Variants in C12orf54 observed in about 807,000 individuals in gnomAD.
The protein encoded by C12orf54 is chromosome 12 open reading frame 54.
A neutral mutation model predicts 26.4 loss-of-function variants in C12orf54; 24 were observed. The observed-to-expected ratio is 0.91, with a 90% confidence interval of 0.66 to 1.28. The LOEUF is 1.28. Ranked by LOEUF, C12orf54 falls within the 50% of genes most tolerant of loss-of-function variation. The pLI is 0.00. For missense variants in C12orf54, 154 were observed against 150.9 expected (o/e 1.02, Z -0.11); for synonymous variants, 54 against 47.0 (o/e 1.15, Z -0.61).
the C12orf54 span, among the ~76,000 whole-genome samples, chr12:48,474,292 T>C: frequency 6.6e-6 from 1 of 152,214 alleles, no homozygotes; most frequent in African/African-American, 2.4e-5. Flanking sequence ...GGAACAGCTC[T>C]GGTCTACAGC....
chr12:48,428,575 T>C, the C12orf54 span, among the ~76,000 whole-genome samples: 2 of 152,124 alleles, frequency 1.3e-5, no homozygotes, highest in Non-Finnish European at 2.9e-5. Context: ...CTAGAAGAGA[T>C]GGATAAATTC....
At chr12:48,491,451 G>A (rs1008450069) in intron 6 of C12orf54, among the ~76,000 whole-genome samples, 1 of 152,170 alleles carries the variant, frequency 6.6e-6, no homozygotes, top group Admixed American at 6.5e-5. Flanking sequence ...CAATTTGGAG[G>A]TGACATAGGC....
chr12:48,416,856 C>T, the C12orf54 span, among the ~76,000 whole-genome samples: 1 of 147,002 alleles, frequency 6.8e-6, no homozygotes, highest in African/African-American at 2.4e-5. Context: ...AGGGAGACTC[C>T]ATCTCCAAAA....
At chr12:48,488,888 CA>C in intron 4 of C12orf54, 35 bp from the exon 5 acceptor site, 2 of 1,531,350 alleles carry the variant, frequency 1.3e-6, no homozygotes, top group Non-Finnish European at 1.8e-6. Flanking sequence ...TGATCATCTA[CA>C]ATATTATTTT....
the C12orf54 span, among the ~76,000 whole-genome samples, chr12:48,428,256 C>T: frequency 6.6e-6 from 1 of 151,346 alleles, no homozygotes; most frequent in Non-Finnish European, 1.5e-5. Context: ...GGTCACACCT[C>T]AAGGAACTAG....
At chr12:48,460,621 G>A in the C12orf54 span, among the ~76,000 whole-genome samples, 1 of 151,884 alleles carries the variant, frequency 6.6e-6, no homozygotes, top group Admixed American at 6.6e-5. Context: ...TATATTTTGG[G>A]GTTTATGCCA....
At chr12:48,414,216 A>G in the C12orf54 span, among the ~76,000 whole-genome samples, 1 of 152,222 alleles carries the variant, frequency 6.6e-6, no homozygotes, top group Non-Finnish European at 1.5e-5. Flanking sequence ...AGTCTGGAAC[A>G]GTTGCTTATT....
the C12orf54 span, among the ~76,000 whole-genome samples, chr12:48,440,079 G>A: frequency 1.3e-4 from 20 of 151,836 alleles, no homozygotes; most frequent in African/African-American, 3.1e-4. Context: ...ACAAAAATTC[G>A]CCAACTATGG....
chr12:48,438,958 G>A, the C12orf54 span, among the ~76,000 whole-genome samples: 1 of 152,118 alleles, frequency 6.6e-6, no homozygotes, highest in Non-Finnish European at 1.5e-5. Flanking sequence ...TACCATCAGA[G>A]TGAACAGGCA....
the C12orf54 span, among the ~76,000 whole-genome samples, chr12:48,472,186 T>G: frequency 1.1e-3 from 161 of 152,368 alleles, no homozygotes; most frequent in African/African-American, 3.8e-3. Context: ...TTTTGTATAT[T>G]GATTTTGTAT....
chr12:48,494,410 A>C (rs1275806319), intron 7 of C12orf54, among the ~76,000 whole-genome samples: 1 of 152,306 alleles, frequency 6.6e-6, no homozygotes, highest in Non-Finnish European at 1.5e-5. Flanking sequence ...CCATGGAAGG[A>C]ATAAATGAAA....
At chr12:48,486,652 G>A in intron 3 of C12orf54, 36 bp from the exon 4 acceptor site, 1 of 1,589,044 alleles carries the variant, frequency 6.3e-7, no homozygotes, top group Non-Finnish European at 8.6e-7. Context: ...GGAGAGTTGG[G>A]ATATTGTTTC....
the C12orf54 span, among the ~76,000 whole-genome samples, chr12:48,446,619 G>A: frequency 3.4e-4 from 51 of 152,188 alleles, no homozygotes; most frequent in East Asian, 8.3e-3. Context: ...AGCTAAAAAT[G>A]GTTACTAGCT....
chr12:48,476,265 C>T, the C12orf54 span, among the ~76,000 whole-genome samples: 1 of 152,198 alleles, frequency 6.6e-6, no homozygotes, highest in African/African-American at 2.4e-5. Context: ...TAGAAAGGAA[C>T]AACCAGTACC....
chr12:48,458,822 G>A, the C12orf54 span, among the ~76,000 whole-genome samples: 1 of 151,702 alleles, frequency 6.6e-6, no homozygotes, highest in Non-Finnish European at 1.5e-5. Flanking sequence ...AAGCATGCAT[G>A]AGCAGTCATG....
chr12:48,435,285 C>T, the C12orf54 span, among the ~76,000 whole-genome samples: 9 of 152,118 alleles, frequency 5.9e-5, no homozygotes, highest in African/African-American at 1.9e-4. Flanking sequence ...CTACGTCTGA[C>T]TGGTGTACCT....
the C12orf54 span, among the ~76,000 whole-genome samples, chr12:48,421,223 T>C: frequency 1.3e-5 from 2 of 152,212 alleles, no homozygotes; most frequent in African/African-American, 2.4e-5. Context: ...GCCCATCTAT[T>C]TGGCTTCTGG....
chr12:48,495,041 C>T lies in C12orf54; in HGVS notation c.*40+62C>T, dbSNP rs1050239080. The T allele has an allele frequency of 8.3e-6, 11 of 1,318,332 alleles. No individual in the cohort carries two copies. In the South Asian group the frequency reaches 1.3e-4, roughly 16 times the overall value. 81.7% of individuals were successfully genotyped at this position (1,318,332 alleles called of 1,614,324 possible). A position where few individuals can be genotyped will look rare whatever the true frequency, so the allele number is the denominator to read the frequency against. On this transcript the variant is annotated intron_variant, in intron 8 of 8. Coordinates refer to ENST00000548364, the MANE Select transcript of C12orf54 (RefSeq NM_152319.4). The stretch of plus-strand genomic sequence containing the variant: ...CCTGCCCATCTGTGGTAGTCAGGAA[C>T]CCAGGCCTCTTAGGCCCTCATCCCA...
At chr12:48,421,677 ACGCCACCACACCTG>A in the C12orf54 span, among the ~76,000 whole-genome samples, 2 of 151,778 alleles carry the variant, frequency 1.3e-5, no homozygotes, top group Non-Finnish European at 2.9e-5. Flanking sequence ...CTATAGGCGC[ACGCCACCACACCTG>A]GCTAATTTTT....
Sources: allele counts gnomAD v4.1 joint callset (sites outside exome capture counted in the v4.1 genomes callset), GRCh38; gene constraint gnomAD v4.1.1; transcripts MANE v1.5; gene names NCBI Gene and HGNC (gene_info 2026-07-23, HGNC 2026-07-21).